FNDC3A: variants seen among roughly 807,000 people sequenced by gnomAD.
FNDC3A encodes fibronectin type-III domain-containing protein 3A.
FNDC3A carries 32 observed loss-of-function variants against 148.9 expected under a neutral mutation model. The observed-to-expected ratio is 0.21, with a 90% CI of 0.16 to 0.29. The LOEUF is 0.29. FNDC3A is among the 10% of genes least tolerant of loss of function. The pLI is 1.00. For synonymous variants in FNDC3A, 472 were observed against 473.6 expected, an observed-to-expected ratio of 1.00 and a Z score of 0.04; for missense variants, 1,191 against 1,452.8, an observed-to-expected ratio of 0.82 and a Z score of 2.93.
chr13:49,149,638 T>G (rs994266175), intron 8 of FNDC3A, among the ~76,000 whole-genome samples: 3 of 152,200 alleles, frequency 2.0e-5, no homozygotes, highest in African/African-American at 7.2e-5. Context: ...TTATCAAGGA[T>G]TAGTCTGTAC....
At chr13:49,075,986 T>C (rs1184204993) in intron 3 of FNDC3A, among the ~76,000 whole-genome samples, 2 of 152,068 alleles carry the variant, frequency 1.3e-5, no homozygotes, top group Non-Finnish European at 2.9e-5. Context: ...GTAGGGTGTT[T>C]AGTGGAATTC....
intron 25 of FNDC3A, among the ~76,000 whole-genome samples, chr13:49,204,587 G>A (rs1208242683): frequency 6.6e-6 from 1 of 152,164 alleles, no homozygotes; most frequent in Non-Finnish European, 1.5e-5. Context: ...TTACAGATAA[G>A]TAGGTTTCCT....
intron 3 of FNDC3A, among the ~76,000 whole-genome samples, chr13:49,103,188 A>C (rs1879966507): frequency 6.6e-6 from 1 of 152,246 alleles, no homozygotes; most frequent in Non-Finnish European, 1.5e-5. Flanking sequence ...TCACAGCTAT[A>C]AGCTGTCATT....
chr13:48,978,861 T>G (rs1389094149), intron 1 of FNDC3A, among the ~76,000 whole-genome samples: 1 of 152,172 alleles, frequency 6.6e-6, no homozygotes. Flanking sequence ...ACGAAATTAG[T>G]GGCCATTAAT....
At chr13:49,045,789 C>CTTT in intron 2 of FNDC3A, 1 of 251,990 alleles carries the variant, frequency 4.0e-6, no homozygotes, top group South Asian at 7.3e-5. Flanking sequence ...TAATGACAGT[C>CTTT]CTTTTTTTTT....
chr13:48,977,199 G>A (rs967375039), intron 1 of FNDC3A, among the ~76,000 whole-genome samples: 3 of 151,934 alleles, frequency 2.0e-5, no homozygotes, highest in Non-Finnish European at 2.9e-5. Context: ...TCTTTTTGCG[G>A]TATAATCATT....
chr13:48,977,203 A>T (rs1177229867), intron 1 of FNDC3A, among the ~76,000 whole-genome samples: 1 of 151,940 alleles, frequency 6.6e-6, no homozygotes, highest in South Asian at 2.1e-4. Context: ...TTTGCGGTAT[A>T]ATCATTATGT....
intron 1 of FNDC3A, among the ~76,000 whole-genome samples, chr13:48,982,258 TTTG>T (rs1951707017): frequency 6.6e-6 from 1 of 152,140 alleles, no homozygotes; most frequent in Non-Finnish European, 1.5e-5. Context: ...CTAAATTTTT[TTTG>T]TTTTCTTAAG....
rs1052773820 is a variant in FNDC3A at position 49,209,628 on chromosome 13, T to G, written c.*2233T>G. 2.6e-5 allele frequency: 4 copies of G among 152,656 alleles called. No homozygotes were observed. Among genetic ancestry groups the G allele is most frequent in the African/African-American group, 9.6e-5 (4 of 41,462 alleles). The allele number at this position is 152,656 out of a possible 1,614,324, so 9.5% of individuals were successfully genotyped here. A position where few individuals can be genotyped will look rare whatever the true frequency, so the allele number is the denominator to read the frequency against. ...ATTGTATTCATATATATTCATTATT[T>G]GCTACCTGTTTAAGAAAGTGAAATG... is the stretch of plus-strand genomic sequence containing the variant. On this transcript the variant is annotated 3_prime_UTR_variant, in exon 26 of 26. Transcript: ENST00000492622.
intron 3 of FNDC3A, among the ~76,000 whole-genome samples, chr13:49,109,916 A>G (rs138833066): frequency 0.017 from 2,530 of 152,298 alleles, 21 homozygotes; most frequent in African/African-American, 0.022. Flanking sequence ...ACGTTATACA[A>G]TGACATTTCA....
intron 14 of FNDC3A, among the ~76,000 whole-genome samples, chr13:49,183,438 A>G (rs1357695789): frequency 2.0e-5 from 3 of 152,208 alleles, no homozygotes; most frequent in Non-Finnish European, 4.4e-5. Context: ...TCCTTATGTG[A>G]TAGGCACTAA....
chr13:49,030,686 A>G (rs1247347007), intron 2 of FNDC3A, among the ~76,000 whole-genome samples: 2 of 152,264 alleles, frequency 1.3e-5, no homozygotes, highest in African/African-American at 4.8e-5. Flanking sequence ...GGTTCAATAT[A>G]GAACAATAAA....
At chr13:49,121,474 A>G (rs946169621) in intron 4 of FNDC3A, among the ~76,000 whole-genome samples, 1 of 152,258 alleles carries the variant, frequency 6.6e-6, no homozygotes, top group Non-Finnish European at 1.5e-5. Flanking sequence ...AAGCTAGTAG[A>G]AGACAAGAAA....
chr13:49,068,383 TAATTA>T (rs1877412984), intron 2 of FNDC3A, among the ~76,000 whole-genome samples: 1 of 151,798 alleles, frequency 6.6e-6, no homozygotes, highest in East Asian at 1.9e-4. Flanking sequence ...ATTAATTAAT[TAATTA>T]AATTAAATAA....
intron 4 of FNDC3A, among the ~76,000 whole-genome samples, chr13:49,115,724 G>A (rs565521724): frequency 1.3e-3 from 205 of 152,282 alleles, no homozygotes; most frequent in African/African-American, 4.8e-3. Flanking sequence ...TACCTTGTAA[G>A]CTTTTCAGAG....
intron 8 of FNDC3A, among the ~76,000 whole-genome samples, chr13:49,162,426 C>T (rs942777581): frequency 2.6e-5 from 4 of 152,120 alleles, no homozygotes; most frequent in African/African-American, 4.8e-5. Context: ...GCATGTGTCA[C>T]GTAGTTCTCG....
intron 4 of FNDC3A, among the ~76,000 whole-genome samples, chr13:49,129,268 G>T (rs144295119): frequency 6.6e-6 from 1 of 152,192 alleles, no homozygotes; most frequent in Non-Finnish European, 1.5e-5. Context: ...AAAGTACAGG[G>T]TATAGAAATG....
At chr13:49,110,339 C>A in intron 3 of FNDC3A, 3 of 1,588,088 alleles carry the variant, frequency 1.9e-6, no homozygotes, top group Non-Finnish European at 2.6e-6. Flanking sequence ...AAGCTGTTAA[C>A]GTGTACTACG....
At chr13:49,022,436 C>T (rs1873395770) in intron 2 of FNDC3A, among the ~76,000 whole-genome samples, 2 of 152,030 alleles carry the variant, frequency 1.3e-5, no homozygotes, top group Non-Finnish European at 1.5e-5. Context: ...AAACTTTCAC[C>T]AATAGCCAAA....
Sources: allele counts gnomAD v4.1 joint callset (sites outside exome capture counted in the v4.1 genomes callset), GRCh38; gene constraint gnomAD v4.1.1; transcripts MANE v1.5; gene names NCBI Gene and HGNC (gene_info 2026-07-23, HGNC 2026-07-21).